SRD5A3: variants seen among roughly 807,000 people sequenced by gnomAD.
The protein encoded by SRD5A3 is steroid 5 alpha-reductase 3, also known as polyprenal reductase.
In SRD5A3, 24 loss-of-function variants were observed where a neutral mutation model predicts 34.3. That is an observed-to-expected ratio of 0.70 (90% CI 0.51 to 0.99). The LOEUF is 0.99. Among genes scored for constraint, SRD5A3 ranks in the 50% least tolerant of loss-of-function variants. SRD5A3 has a pLI of 0.00. For synonymous variants in SRD5A3, 161 were observed against 167.3 expected (o/e 0.96, Z 0.29); for missense variants, 350 against 388.2 (o/e 0.90, Z 0.83).
At chr4:55,353,579 C>T (rs564575020) in intron 1 of SRD5A3, among the ~76,000 whole-genome samples, 15 of 152,322 alleles carry the variant, frequency 9.8e-5, no homozygotes, top group East Asian at 3.9e-4. Flanking sequence ...TTGCTCTTCA[C>T]GGTAAGTCTT....
At chr4:55,364,351 T>C in intron 3 of SRD5A3, 80 bp downstream of exon 3, 7 of 1,456,606 alleles carry the variant, frequency 4.8e-6, no homozygotes, top group Non-Finnish European at 6.7e-6. Context: ...GTGCTAAGCA[T>C]TATGAGACAT....
chr4:55,352,040 A>G, intron 1 of SRD5A3: 2 of 769,036 alleles, frequency 2.6e-6, no homozygotes, highest in Non-Finnish European at 4.9e-6. Flanking sequence ...ATCCTTGGTG[A>G]TCCTTAGAGC....
At chr4:55,347,134 A>G (rs1368756738) in intron 1 of SRD5A3, among the ~76,000 whole-genome samples, 2 of 152,234 alleles carry the variant, frequency 1.3e-5, no homozygotes, top group Non-Finnish European at 2.9e-5. Context: ...GGTGCAGGTC[A>G]TAGGCAGGCC....
chr4:55,351,739 C>T (rs1001782542), intron 1 of SRD5A3: 3 of 430,368 alleles, frequency 7.0e-6, no homozygotes, highest in Non-Finnish European at 1.4e-5. Flanking sequence ...AATTCATGCT[C>T]TTGCATGTGT....
chr4:55,351,690 C>G (rs569332652), intron 1 of SRD5A3: 1 of 332,572 alleles, frequency 3.0e-6, no homozygotes, highest in South Asian at 2.8e-5. Flanking sequence ...ATTTAACCAT[C>G]CTCAGCTCAT....
chr4:55,351,775 G>C (rs1719203604), intron 1 of SRD5A3: 2 of 458,428 alleles, frequency 4.4e-6, no homozygotes, highest in Non-Finnish European at 8.5e-6. Flanking sequence ...AGAGAAAGCT[G>C]GTTGAAGAAA....
chr4:55,368,516 C>T (rs1277190141), intron 4 of SRD5A3, among the ~76,000 whole-genome samples: 2 of 150,046 alleles, frequency 1.3e-5, no homozygotes, highest in Non-Finnish European at 3.0e-5. Context: ...CCTCCGCCTC[C>T]AGGGTTCAAG....
Position 55,346,420 on chromosome 4 carries a change from G to T in SRD5A3, c.84G>T (p.Leu28=). Residue 28 remains leucine (L), a synonymous_variant, in exon 1 of 5, where the codon CTG becomes CTT. Transcript: ENST00000264228. ...VWLTLTAAFL[L]TLLLQLLPPG... ...TCACGCTGACCGCCGCCTTCCTGCT[G>T]ACCCTACTGCTGCAGCTCCTGCCGC... The T allele has an allele frequency of 6.2e-7, 1 of 1,601,470 alleles. No individual in the cohort carries two copies. The highest frequency in any genetic ancestry group is 1.1e-5 in the South Asian group (1 of 89,436).
intron 3 of SRD5A3, chr4:55,367,193 C>A (rs1719931422): frequency 3.8e-6 from 1 of 261,930 alleles, no homozygotes; most frequent in Non-Finnish European, 7.4e-6. Flanking sequence ...AGACTTAAAA[C>A]TGGACTTAGC....
Position 55,371,120 on chromosome 4 carries a change from G to T in SRD5A3, c.*1029G>T, listed in dbSNP as rs1434576842. On this transcript the variant is annotated 3_prime_UTR_variant, in exon 5 of 5. Coordinates refer to ENST00000264228, the MANE Select transcript of SRD5A3 (RefSeq NM_024592.5). ...GAGTGCTTCAAAAATGAAAGCATCA[G>T]AAGATAAAATATTTTTATATTTATG... 6.6e-6 allele frequency: 1 copy of T among 152,082 alleles called. No individual in the cohort carries two copies. Among genetic ancestry groups the T allele is most frequent in the Non-Finnish European group, 1.5e-5 (1 of 68,022 alleles). 9.4% of individuals were successfully genotyped at this position (152,082 alleles called of 1,614,324 possible).
At chr4:55,360,489 A>G (rs2109475172) in intron 2 of SRD5A3, among the ~76,000 whole-genome samples, 1 of 152,236 alleles carries the variant, frequency 6.6e-6, no homozygotes, top group African/African-American at 2.4e-5. Context: ...CCTGGGCAAC[A>G]GAGGGAGACT....
At chr4:55,352,943 G>C (rs1429258643) in intron 1 of SRD5A3, among the ~76,000 whole-genome samples, 2 of 152,208 alleles carry the variant, frequency 1.3e-5, no homozygotes, top group Non-Finnish European at 1.5e-5. Flanking sequence ...TGGATGGGGT[G>C]GGGGAAACAG....
chr4:55,369,416 G>A (rs781231786), intron 4 of SRD5A3, among the ~76,000 whole-genome samples: 13 of 152,178 alleles, frequency 8.5e-5, no homozygotes, highest in South Asian at 2.1e-4. Flanking sequence ...TTACACACAT[G>A]TATGATACTC....
At chr4:55,369,680 A>G in intron 4 of SRD5A3, 152 bp from the exon 5 acceptor site, 2 of 838,060 alleles carry the variant, frequency 2.4e-6, no homozygotes, top group South Asian at 1.7e-5. Flanking sequence ...ACAGTGAGCC[A>G]TGACTGCACG....
chr4:55,370,125 G>A lies in SRD5A3; in HGVS notation c.*34G>A, dbSNP rs1392431742. 6.2e-6 allele frequency: 10 copies of A among 1,610,720 alleles called. No individual in the cohort carries two copies. Among genetic ancestry groups the A allele is most frequent in the Admixed American group, 1.7e-5 (1 of 59,986 alleles). The stretch of plus-strand genomic sequence containing the variant: ...CAGTCATGAAGAATGCAAACCAGGT[G>A]ATGGTTTCAATGCCTAAGGACAGTG... On this transcript the variant is annotated 3_prime_UTR_variant, in exon 5 of 5. Coordinates refer to ENST00000264228, the MANE Select transcript of SRD5A3 (RefSeq NM_024592.5).
intron 1 of SRD5A3, among the ~76,000 whole-genome samples, chr4:55,350,246 G>A (rs924778016): frequency 3.3e-5 from 5 of 151,976 alleles, no homozygotes; most frequent in Non-Finnish European, 7.4e-5. Flanking sequence ...GGCGAGCACC[G>A]GTAATTCCAG....
chr4:55,353,515 C>T (rs770419610), intron 1 of SRD5A3, among the ~76,000 whole-genome samples: 9 of 152,198 alleles, frequency 5.9e-5, no homozygotes, highest in African/African-American at 2.2e-4. Context: ...CCACCCGAGC[C>T]AGCAGCGCCA....
intron 2 of SRD5A3, among the ~76,000 whole-genome samples, chr4:55,363,336 G>A (rs892541084): frequency 6.6e-6 from 1 of 152,136 alleles, no homozygotes; most frequent in Non-Finnish European, 1.5e-5. Flanking sequence ...TCAGGAAGCT[G>A]AGACAGAGGA....
intron 3 of SRD5A3, 61 bp from the exon 4 acceptor site, chr4:55,367,527 T>G: frequency 6.3e-7 from 1 of 1,588,734 alleles, no homozygotes; most frequent in Non-Finnish European, 8.6e-7. Flanking sequence ...CTAAATGATT[T>G]GTTTAATTCC....
Sources: allele counts gnomAD v4.1 joint callset (sites outside exome capture counted in the v4.1 genomes callset), GRCh38; gene constraint gnomAD v4.1.1; transcripts MANE v1.5; gene names NCBI Gene and HGNC (gene_info 2026-07-23, HGNC 2026-07-21).